COL4A2: variants seen among roughly 807,000 people sequenced by gnomAD.
COL4A2 encodes collagen alpha-2(IV) chain.
In COL4A2, 99 loss-of-function variants were observed where a neutral mutation model predicts 200.2. The ratio of observed to expected loss-of-function variants is 0.49; its 90% confidence interval spans 0.42 to 0.58. The LOEUF (loss-of-function observed/expected upper bound fraction) is 0.58. COL4A2 is among the 20% of genes least tolerant of loss of function. The probability of loss-of-function intolerance (pLI) is 0.00; values close to 1 mark genes in which losing one functional copy is unlikely to be tolerated. For missense variants in COL4A2, 1,950 were observed against 2,314.1 expected, an observed-to-expected ratio of 0.84 and a Z score of 3.23; for synonymous variants, 897 against 900.6, an observed-to-expected ratio of 1.00 and a Z score of 0.07.
intron 28 of COL4A2, among the ~76,000 whole-genome samples, chr13:110,469,856 C>T (rs940162306): frequency 9.6e-5 from 14 of 145,806 alleles, no homozygotes; most frequent in African/African-American, 2.5e-4. Context: ...GTGCCACAGG[C>T]GATGTGCATG....
intron 3 of COL4A2, among the ~76,000 whole-genome samples, chr13:110,317,356 A>G (rs888391789): frequency 2.7e-5 from 4 of 148,654 alleles, no homozygotes; most frequent in African/African-American, 9.7e-5. Context: ...ACACAGAAAC[A>G]CATGTACACA....
rs1490085464 is a variant in COL4A2, at chr13:110,307,339, C to T, written c.-234C>T. On this transcript the variant is annotated 5_prime_UTR_variant, in exon 1 of 48. Coordinates refer to ENST00000360467, the MANE Select transcript of COL4A2 (RefSeq NM_001846.4). The surrounding 1 kb of genome is among the most constrained non-coding windows in gnomAD (Gnocchi z 5.0). Reference sequence around the variant, plus strand: ...GGCTCCGCGCTCCGCACTCAAGAGGCTCCCGCGTCCCAACCCCTCGCGCCC... The same window carrying T: ...GGCTCCGCGCTCCGCACTCAAGAGGTTCCCGCGTCCCAACCCCTCGCGCCC... The T allele has an allele frequency of 9.8e-6, 3 of 305,744 alleles. No homozygotes were observed. Among genetic ancestry groups the T allele is most frequent in the Non-Finnish European group, 1.8e-5 (3 of 167,482 alleles). 18.9% of individuals were successfully genotyped at this position (305,744 alleles called of 1,614,324 possible).
chr13:110,493,540 G>C (rs549810176), intron 39 of COL4A2, among the ~76,000 whole-genome samples: 13 of 152,318 alleles, frequency 8.5e-5, no homozygotes, highest in South Asian at 4.1e-4. Flanking sequence ...TAGACGGAGA[G>C]AGAAATAGAG....
intron 3 of COL4A2, among the ~76,000 whole-genome samples, chr13:110,349,498 T>C (rs1365307549): frequency 6.6e-6 from 1 of 152,212 alleles, no homozygotes; most frequent in Non-Finnish European, 1.5e-5. Flanking sequence ...CCACTCTTGA[T>C]CTCTGCTCCA....
chr13:110,497,747 T>C (rs1883510943), intron 40 of COL4A2, among the ~76,000 whole-genome samples: 1 of 150,172 alleles, frequency 6.7e-6, no homozygotes, highest in Non-Finnish European at 1.5e-5. Flanking sequence ...CAGTCAGGGG[T>C]GAGGATCTGG....
At chr13:110,435,820 A>AT (rs200123010) in intron 12 of COL4A2, among the ~76,000 whole-genome samples, 4 of 151,298 alleles carry the variant, frequency 2.6e-5, no homozygotes, top group African/African-American at 4.9e-5. Context: ...GTTACTTAAG[A>AT]TTTTTTTTAT....
rs1303248719 is a variant in COL4A2, at chr13:110,489,521, C to T, written c.3271+13C>T. On this transcript the variant is annotated intron_variant, in intron 35 of 47. Coordinates refer to ENST00000360467, the MANE Select transcript of COL4A2 (RefSeq NM_001846.4). ...ACTGGTGATTTCGGTGAGTGTTGCC[C>T]GTCCAGTGAAAACAGGGAGTCCACA... 22 of 1,613,904 alleles carry T rather than the reference C, an allele frequency of 1.4e-5. No individual in the cohort carries two copies. Among genetic ancestry groups the T allele is most frequent in the Non-Finnish European group, 1.8e-5 (21 of 1,179,942 alleles).
intron 24 of COL4A2, among the ~76,000 whole-genome samples, chr13:110,464,310 C>A (rs915708229): frequency 6.6e-6 from 1 of 152,106 alleles, no homozygotes; most frequent in Non-Finnish European, 1.5e-5. Flanking sequence ...AACCTTGCAG[C>A]CTCAGCTTCC....
At position 110,311,870 on chromosome 13, in the gene COL4A2, G is replaced by A. The variant is rs529484433; in HGVS notation, c.99+3747G>A. Among the ~76,000 whole-genome samples the A allele has an allele frequency of 3.0e-4, 45 of 152,314 alleles. No individual in the cohort carries two copies. In the South Asian group the frequency reaches 4.1e-3, roughly 14 times the overall value. ...CGGGGCCCCTGCCTGCCACCCTGCC[G>A]CTTAGTTTCCAGGCTGTCCTCGGGG... On this transcript the variant is annotated intron_variant, in intron 3 of 47. Coordinates refer to ENST00000360467, the MANE Select transcript of COL4A2 (RefSeq NM_001846.4).
At chr13:110,485,546 A>AT in intron 33 of COL4A2, 109 bp from the exon 34 acceptor site, 2 of 562,636 alleles carry the variant, frequency 3.6e-6, no homozygotes, top group Non-Finnish European at 5.9e-6. Flanking sequence ...AAAAAAAAAA[A>AT]GATTCACAGC....
At chr13:110,464,848 C>T (rs996997398) in intron 24 of COL4A2, among the ~76,000 whole-genome samples, 1 of 152,174 alleles carries the variant, frequency 6.6e-6, no homozygotes, top group Non-Finnish European at 1.5e-5. Context: ...CATCCCTGCA[C>T]CTCCCACCAG....
intron 3 of COL4A2, among the ~76,000 whole-genome samples, chr13:110,350,756 T>C (rs1209778756): frequency 6.6e-6 from 1 of 152,072 alleles, no homozygotes; most frequent in African/African-American, 2.4e-5. Flanking sequence ...CCAAGAAAGG[T>C]GGGGTGGGGC....
Position 110,508,709 on chromosome 13 carries a change from G to C in COL4A2, c.4881+488G>C, listed in dbSNP as rs1883971507. On this transcript the variant is annotated intron_variant, in intron 47 of 47. Coordinates refer to ENST00000360467, the MANE Select transcript of COL4A2 (RefSeq NM_001846.4). This position sits in a 1 kb window ranked among gnomAD's most constrained non-coding sequence, Gnocchi z 6.1. The stretch of plus-strand genomic sequence containing the variant: ...CTGGAATACCTTTGGGTATAAAATA[G>C]AGAGCCTGTGGATACTTTGAAAGCC... Among the ~76,000 whole-genome samples, 1 of 152,194 alleles carries C rather than the reference G, an allele frequency of 6.6e-6. No homozygotes were observed. Among genetic ancestry groups the C allele is most frequent in the African/African-American group, 2.4e-5 (1 of 41,438 alleles).
intron 3 of COL4A2, among the ~76,000 whole-genome samples, chr13:110,348,788 G>A (rs1327749549): frequency 6.6e-6 from 1 of 152,076 alleles, no homozygotes; most frequent in Non-Finnish European, 1.5e-5. Flanking sequence ...AGGGAATTTG[G>A]GTTAGATGCT....
At position 110,387,054 on chromosome 13, in the gene COL4A2, A is replaced by G. The variant is rs541067071; in HGVS notation, c.180+29502A>G. ...GGAGTTCAAGACCAGCCTGGCCAAC[A>G]TGGTGAAACCCCGTCTCTACTAAAA... On this transcript the variant is annotated intron_variant, in intron 4 of 47. Coordinates refer to ENST00000360467, the MANE Select transcript of COL4A2 (RefSeq NM_001846.4). Among the ~76,000 whole-genome samples the G allele has an allele frequency of 2.4e-3, 363 of 152,304 alleles. 1 individual carries two copies. The highest frequency in any genetic ancestry group is 3.6e-3 in the Non-Finnish European group (247 of 68,030).
rs200577900 is a variant in COL4A2, at chr13:110,509,247, A to T, written c.4881+1026A>T. ...CAGCATGTTAAATATTTCATAAATTATATATATATATATATATATATATAC... is the reference window on the plus strand; with the variant it reads ...CAGCATGTTAAATATTTCATAAATTTTATATATATATATATATATATATAC... On this transcript the variant is annotated intron_variant, in intron 47 of 47. Transcript: ENST00000360467. Among the ~76,000 whole-genome samples, 159 of 103,592 alleles carry T rather than the reference A, an allele frequency of 1.5e-3. 2 individuals are homozygous for T. In the East Asian group the frequency reaches 0.026, roughly 17 times the overall value. 68.0% of individuals were successfully genotyped at this position (103,592 alleles called of 152,430 possible). A position where few individuals can be genotyped will look rare whatever the true frequency, so the allele number is the denominator to read the frequency against.
At chr13:110,371,503 A>T (rs899267704) in intron 4 of COL4A2, among the ~76,000 whole-genome samples, 5 of 152,178 alleles carry the variant, frequency 3.3e-5, no homozygotes, top group African/African-American at 1.2e-4. Flanking sequence ...GATTTTAGTT[A>T]TTTTTAGCAC....
chr13:110,323,498 T>A (rs1885329108), intron 3 of COL4A2, among the ~76,000 whole-genome samples: 1 of 152,198 alleles, frequency 6.6e-6, no homozygotes, highest in Non-Finnish European at 1.5e-5. Flanking sequence ...AACCTGGAGC[T>A]GAAGAGAATG....
intron 4 of COL4A2, among the ~76,000 whole-genome samples, chr13:110,369,678 G>A (rs555349193): frequency 1.3e-5 from 2 of 152,098 alleles, no homozygotes; most frequent in Admixed American, 1.3e-4. Flanking sequence ...GCTTTAACAC[G>A]TGCCGACTTC....
Sources: allele counts gnomAD v4.1 joint callset (sites outside exome capture counted in the v4.1 genomes callset), GRCh38; gene constraint gnomAD v4.1.1; non-coding constraint Gnocchi (gnomAD v3.1); transcripts MANE v1.5; gene names NCBI Gene and HGNC (gene_info 2026-07-23, HGNC 2026-07-21).